Variants in DCXR observed in about 807,000 individuals in gnomAD.
DCXR encodes the protein L-xylulose reductase.
A neutral mutation model predicts 25.9 loss-of-function variants in DCXR; 24 were observed. The observed-to-expected ratio is 0.93, with a 90% confidence interval of 0.67 to 1.30. DCXR has a LOEUF of 1.30. DCXR is among the 50% of genes most tolerant of loss of function. The pLI is 0.00. For synonymous variants in DCXR, 161 were observed against 141.7 expected (o/e 1.14, Z -0.97); for missense variants, 348 against 333.7 (o/e 1.04, Z -0.33).
Position 82,035,876 on chromosome 17 carries a change from T to G in DCXR, c.*84A>C. ...CTGCTGGCAGCCTAGGAATAGCACATAGTCTGGGCAGCAGAATCAGGTTTA... is the reference window on the plus strand; with the variant it reads ...CTGCTGGCAGCCTAGGAATAGCACAGAGTCTGGGCAGCAGAATCAGGTTTA... On this transcript the variant is annotated 3_prime_UTR_variant, in exon 8 of 8. Transcript: ENST00000306869. 1 of 1,257,568 alleles carries G rather than the reference T, an allele frequency of 8.0e-7. No individual in the cohort carries two copies. The highest frequency in any genetic ancestry group is 1.1e-6 in the Non-Finnish European group (1 of 874,140). The allele number at this position is 1,257,568 out of a possible 1,614,324, so 77.9% of individuals were successfully genotyped here.
rs1306473223 is a variant in DCXR at position 82,035,947 on chromosome 17, G to T, written c.*13C>A. 5 of 1,607,446 alleles carry T rather than the reference G, an allele frequency of 3.1e-6. No individual in the cohort carries two copies. Among genetic ancestry groups the T allele is most frequent in the Middle Eastern group, 1.7e-4 (1 of 6,058 alleles). On this transcript the variant is annotated 3_prime_UTR_variant, in exon 8 of 8. Coordinates refer to ENST00000306869, the MANE Select transcript of DCXR (RefSeq NM_016286.4). ...ATGAGCACGGCATGGGGCTTGAGGT[G>T]TGTGGAGGGAGCTCAGCAGGCCCAG...
chr17:82,037,305 G>A (rs2043504094), intron 2 of DCXR, 145 bp downstream of exon 2: 2 of 1,033,260 alleles, frequency 1.9e-6, no homozygotes, highest in South Asian at 3.5e-5. Context: ...CCAGCCCCGA[G>A]AGAGGGTGCG....
rs1465516529 is a variant in DCXR at position 82,037,011 on chromosome 17, G to A, written c.153C>T (p.Cys51=). The change falls in exon 3 of 8, where the codon TGC becomes TGT. Residue 51 remains cysteine, a splice_region_variant and synonymous_variant. Transcript: ENST00000306869. ...CCACGCACACGGGTTCTATCCCCGG[G>A]CACTGTGTGTATCAGGGGGCAGTTA... ...QADLDSLVRE[C]PGIEPVCVDL... 1.3e-6 allele frequency: 2 copies of A among 1,559,132 alleles called. No homozygotes were observed. Among genetic ancestry groups the A allele is most frequent in the Middle Eastern group, 1.8e-4 (1 of 5,478 alleles).
In DCXR at chr17:82,036,590, G is replaced by C. The variant is rs1297750937; in HGVS notation, c.402C>G (p.Val134=). 6.2e-7 allele frequency: 1 copy of C among 1,613,158 alleles called. No individual in the cohort carries two copies. ...CTGCCCGCTGGGAGCACTGGCTGGA[G>C]ACATTCACGATGGCCCCTGGGACTC... ...ARGVPGAIVN[V]SSQCSQRAVT... is the part of the protein sequence containing the mutation. The change falls in exon 5 of 8, where the codon GTC becomes GTG. Residue 134 remains valine, a synonymous_variant. Coordinates refer to ENST00000306869, the MANE Select transcript of DCXR (RefSeq NM_016286.4).
chr17:82,036,088 G>A, intron 7 of DCXR, 25 bp from the exon 8 acceptor site: 1 of 1,609,886 alleles, frequency 6.2e-7, no homozygotes, highest in Non-Finnish European at 8.5e-7. Flanking sequence ...GGGGTCAGGG[G>A]CATAGAGGAA....
In DCXR at chr17:82,037,553, G is replaced by A. The variant is rs755040105; in HGVS notation, c.53-6C>T. The A allele has an allele frequency of 9.1e-6, 14 of 1,544,154 alleles. No individual in the cohort carries two copies. The East Asian group carries it at 2.2e-4, about 24-fold the overall frequency. On this transcript the variant is annotated splice_region_variant and splice_polypyrimidine_tract_variant and intron_variant, in intron 1 of 7. Coordinates refer to ENST00000306869, the MANE Select transcript of DCXR (RefSeq NM_016286.4). ...GACCGTGCCGCGCCCTATACCTGCCGGGAGCGGGCTCAGTGAAGGCGTCCC... is the reference window on the plus strand; with the variant it reads ...GACCGTGCCGCGCCCTATACCTGCCAGGAGCGGGCTCAGTGAAGGCGTCCC...
At chr17:82,036,687 C>G (rs763406253) in intron 4 of DCXR, 34 bp downstream of exon 4, 2 of 1,613,450 alleles carry the variant, frequency 1.2e-6, no homozygotes, top group Admixed American at 1.7e-5. Flanking sequence ...GCATCACTCA[C>G]GAGAATTCCC....
chr17:82,036,784 C>A, intron 3 of DCXR, 21 bp from the exon 4 acceptor site: 1 of 1,613,542 alleles, frequency 6.2e-7, no homozygotes, highest in Non-Finnish European at 8.5e-7. Flanking sequence ...AGGGACAGAC[C>A]CTGGTCAGAG....
At chr17:82,036,105 T>A (rs1318696582) in intron 7 of DCXR, 42 bp from the exon 8 acceptor site, 2 of 1,607,222 alleles carry the variant, frequency 1.2e-6, no homozygotes, top group Non-Finnish European at 1.7e-6. Flanking sequence ...GGAAGGAGGC[T>A]GCCGCCCATC....
At chr17:82,037,145 C>A in intron 2 of DCXR, 132 bp from the exon 3 acceptor site, 3 of 1,221,714 alleles carry the variant, frequency 2.5e-6, no homozygotes, top group Admixed American at 4.3e-5. Context: ...GACTGTGGGG[C>A]CAGCAGCCGG....
Position 82,036,396 on chromosome 17 carries a change from G to A in DCXR, c.501C>T (p.Leu167=), listed in dbSNP as rs142512551. ...CAGCCCTGCTCACCTTGTGGGGCCCGAGCTCTAGGGCCATCACCTTGGTCA... is the reference window on the plus strand; with the variant it reads ...CAGCCCTGCTCACCTTGTGGGGCCCAAGCTCTAGGGCCATCACCTTGGTCA... ...DMLTKVMALE[L]GPHKIRVNAV... is the part of the protein sequence containing the mutation. Residue 167 remains leucine (L), a synonymous_variant, in exon 6 of 8, where the codon CTC becomes CTT. Coordinates refer to ENST00000306869, the MANE Select transcript of DCXR (RefSeq NM_016286.4). 175 of 1,613,372 alleles carry A rather than the reference G, an allele frequency of 1.1e-4. No individual in the cohort carries two copies. The African/African-American group carries it at 2.1e-3, about 19-fold the overall frequency.
At chr17:82,037,249 G>A in intron 2 of DCXR, 1 of 850,834 alleles carries the variant, frequency 1.2e-6, no homozygotes, top group Non-Finnish European at 1.8e-6. Flanking sequence ...TCTGAGCCCG[G>A]GGGCCCCGGC....
intron 2 of DCXR, 26 bp downstream of exon 2, chr17:82,037,424 C>A: frequency 6.6e-7 from 1 of 1,517,324 alleles, no homozygotes; most frequent in Non-Finnish European, 8.8e-7. Flanking sequence ...CGCCGCCTCG[C>A]AGCGCTGGGA....
Position 82,035,888 on chromosome 17 carries a change from C to T in DCXR, c.*72G>A. On this transcript the variant is annotated 3_prime_UTR_variant, in exon 8 of 8. Transcript: ENST00000306869. ...TAGGAATAGCACATAGTCTGGGCAG[C>T]AGAATCAGGTTTATTGGAGGGATTG... The T allele has an allele frequency of 7.3e-7, 1 of 1,363,296 alleles. No individual in the cohort carries two copies. The highest frequency in any genetic ancestry group is 1.2e-5 in the South Asian group (1 of 84,418). 84.4% of individuals were successfully genotyped at this position (1,363,296 alleles called of 1,614,324 possible).
Position 82,035,866 on chromosome 17 carries a change from G to A in DCXR, c.*94C>T, listed in dbSNP as rs777815313. On this transcript the variant is annotated 3_prime_UTR_variant, in exon 8 of 8. Coordinates refer to ENST00000306869, the MANE Select transcript of DCXR (RefSeq NM_016286.4). ...CCCCAGCTACCTGCTGGCAGCCTAG[G>A]AATAGCACATAGTCTGGGCAGCAGA... 8.6e-7 allele frequency: 1 copy of A among 1,169,238 alleles called. No individual in the cohort carries two copies. The highest frequency in any genetic ancestry group is 1.3e-6 in the Non-Finnish European group (1 of 798,672). 72.4% of individuals were successfully genotyped at this position (1,169,238 alleles called of 1,614,324 possible). A position where few individuals can be genotyped will look rare whatever the true frequency, so the allele number is the denominator to read the frequency against.
chr17:82,036,995 CG>C lies in DCXR; in HGVS notation c.168del (p.Val57CysfsTer25), dbSNP rs752466961. On this transcript the variant is annotated frameshift_variant, in exon 3 of 8. Transcript: ENST00000306869. LOFTEE classifies it high-confidence loss of function. ...TCCCAGTCACCCAGGTCCACGCACA[CG>C]GGTTCTATCCCCGGGCACTGTGTGT... Reference protein sequence around the residue: ...SLVRECPGIEPVCVDLGDWEA... With the variant: ...SLVRECPGIEXVCVDLGDWEA... 4.5e-6 allele frequency: 7 copies of C among 1,570,112 alleles called. No homozygotes were observed. The highest frequency in any genetic ancestry group is 8.6e-7 in the Non-Finnish European group (1 of 1,158,496).
chr17:82,037,019 T>C lies in DCXR; in HGVS notation c.151-6A>G. On this transcript the variant is annotated splice_region_variant and splice_polypyrimidine_tract_variant and intron_variant, in intron 2 of 7. Transcript: ENST00000306869. The stretch of plus-strand genomic sequence containing the variant: ...ACGGGTTCTATCCCCGGGCACTGTG[T>C]GTATCAGGGGGCAGTTACCAGAGGC... 1 of 1,555,100 alleles carries C rather than the reference T, an allele frequency of 6.4e-7. No homozygotes were observed. Among genetic ancestry groups the C allele is most frequent in the East Asian group, 2.4e-5 (1 of 41,068 alleles).
Position 82,036,894 on chromosome 17 carries a change from C to A in DCXR, c.270G>T (p.Gln90His), listed in dbSNP as rs1232460603. The change falls in exon 3 of 8, where the codon CAG becomes CAT. Residue 90 changes from glutamine (Q) to histidine (H), a missense_variant. Coordinates refer to ENST00000306869, the MANE Select transcript of DCXR (RefSeq NM_016286.4). The part of the protein sequence containing the change: ...LVNNAAVALL[Q>H]PFLEVTKEAF... ...CCTCCTTGGTGACCTCCAGGAAGGG[C>A]TGCAGCAGGGCGACAGCGGCGTTGT... 11 of 1,613,042 alleles carry A rather than the reference C, an allele frequency of 6.8e-6. No homozygotes were observed. Among genetic ancestry groups the A allele is most frequent in the Non-Finnish European group, 9.3e-6 (11 of 1,179,994 alleles).
chr17:82,037,100 A>C, intron 2 of DCXR, 87 bp from the exon 3 acceptor site: 1 of 1,513,240 alleles, frequency 6.6e-7, no homozygotes, highest in East Asian at 2.5e-5. Context: ...TTTCAGCCGG[A>C]CAAGTAAAGG....
Sources: gnomAD v4.1 joint callset for allele counts on GRCh38, gnomAD v4.1.1 for gene constraint, MANE v1.5 for transcripts, NCBI Gene and HGNC (gene_info 2026-07-23, HGNC 2026-07-21) for gene names.